The following CEP170B variants were observed in gnomAD, a reference collection of about 807,000 sequenced individuals.
CEP170B encodes centrosomal protein of 170 kDa protein B.
In CEP170B, 55 loss-of-function variants were observed where a neutral mutation model predicts 120.6. The ratio of observed to expected loss-of-function variants is 0.46; its 90% CI spans 0.37 to 0.57. CEP170B has a LOEUF of 0.57. CEP170B is among the 20% of genes least tolerant of loss of function. The pLI, the probability that CEP170B is intolerant of heterozygous loss-of-function variation, is 0.00. For missense variants in CEP170B, 2,212 were observed against 2,253.3 expected, an observed-to-expected ratio of 0.98 and a Z score of 0.37; for synonymous variants, 1,033 against 954.5, an observed-to-expected ratio of 1.08 and a Z score of -1.52.
chr14:104,876,463 T>G (rs1895854273), intron 3 of CEP170B, 118 bp downstream of exon 3: 2 of 863,250 alleles, frequency 2.3e-6, no homozygotes, highest in Non-Finnish European at 3.5e-6. Context: ...CCCTGGCCCC[T>G]CCCTCTCAGT....
At chr14:104,866,336 G>A (rs1895205042) in intron 1 of CEP170B, among the ~76,000 whole-genome samples, 1 of 152,222 alleles carries the variant, frequency 6.6e-6, no homozygotes, top group African/African-American at 2.4e-5. Context: ...CAGAGGGTGA[G>A]GCCTAGGAGG....
chr14:104,886,254 G>A (rs747119061), intron 11 of CEP170B, 21 bp from the exon 12 acceptor site: 21 of 1,497,146 alleles, frequency 1.4e-5, no homozygotes, highest in South Asian at 5.2e-5. Context: ...CCCTCTAACC[G>A]GCTGCCTTTG....
chr14:104,878,556 TC>T, intron 5 of CEP170B, 55 bp downstream of exon 5: 2 of 1,563,304 alleles, frequency 1.3e-6, no homozygotes, highest in Non-Finnish European at 1.7e-6. Flanking sequence ...CCCCCCATCC[TC>T]CCCACCATGC....
rs1396085455 is a variant in CEP170B at position 104,894,753 on chromosome 14, T to C, written c.4460T>C (p.Leu1487Pro). 6.2e-7 allele frequency: 1 copy of C among 1,600,072 alleles called. No individual in the cohort carries two copies. Among genetic ancestry groups the C allele is most frequent in the Admixed American group, 1.7e-5 (1 of 59,404 alleles). The change falls in exon 19 of 19, where the codon CTC becomes CCC. Residue 1487 changes from leucine (L) to proline (P), a missense_variant. This residue lies in a region of CEP170B where 2,166 missense variants were observed against 2,166.7 expected (regional missense o/e 1.00). Coordinates refer to ENST00000414716, the MANE Select transcript of CEP170B (RefSeq NM_001112726.3). ...GACCCCAGTGGGAGCCTGGACCTGCTCACAGGAAACAGGAGCTTGGCCAGC... is the reference window on the plus strand; with the variant it reads ...GACCCCAGTGGGAGCCTGGACCTGCCCACAGGAAACAGGAGCTTGGCCAGC... ...IVDPSGSLDL[L>P]TGNRSLASSA... is the part of the protein sequence containing the mutation.
chr14:104,877,802 TCAGCC>T, intron 3 of CEP170B, 78 bp from the exon 4 acceptor site: 1 of 608,698 alleles, frequency 1.6e-6, no homozygotes, highest in Non-Finnish European at 2.6e-6. Flanking sequence ...ACCCACCTGC[TCAGCC>T]CCACCACCCT....
intron 13 of CEP170B, among the ~76,000 whole-genome samples, chr14:104,890,578 ATGGATGGATGGG>A (rs1896785279): frequency 8.0e-6 from 1 of 125,220 alleles, no homozygotes; most frequent in Admixed American, 7.8e-5. Flanking sequence ...GGATGGATGG[ATGGATGGATGGG>A]TGAGTGAGTG....
rs1344275617 is a variant in CEP170B, at chr14:104,887,968, A to C, written c.3729A>C (p.Arg1243=). The change falls in exon 12 of 19, where the codon CGA becomes CGC. Residue 1243 remains arginine (R), a synonymous_variant. Transcript: ENST00000414716. The part of the protein sequence containing the change: ...PFSRARSGSA[R]YTSTTQTPRA... Reference sequence around the variant, plus strand: ...GCAGGGCCCGCTCAGGCAGTGCCCGATACACCTCCAGTGAGTGCCAGGGCG... The same window carrying C: ...GCAGGGCCCGCTCAGGCAGTGCCCGCTACACCTCCAGTGAGTGCCAGGGCG... 3 of 1,511,108 alleles carry C rather than the reference A, an allele frequency of 2.0e-6. No individual in the cohort carries two copies. The highest frequency in any genetic ancestry group is 2.7e-6 in the Non-Finnish European group (3 of 1,130,852). The allele number at this position is 1,511,108 out of a possible 1,614,324, so 93.6% of individuals were successfully genotyped here.
At chr14:104,872,612 C>T (rs986545379) in intron 2 of CEP170B, among the ~76,000 whole-genome samples, 2 of 152,114 alleles carry the variant, frequency 1.3e-5, no homozygotes, top group Non-Finnish European at 1.5e-5. Flanking sequence ...TCCGTGAGAG[C>T]GTGTGACAGC....
Position 104,886,883 on chromosome 14 carries a change from A to G in CEP170B, c.2644A>G (p.Lys882Glu). The G allele has an allele frequency of 6.2e-7, 1 of 1,610,492 alleles. No individual in the cohort carries two copies. The highest frequency in any genetic ancestry group is 1.3e-5 in the African/African-American group (1 of 75,034). Reference protein sequence around the residue: ...EPASGPPAPGKPPHISSHPLL... With the variant: ...EPASGPPAPGEPPHISSHPLL... ...AGCCAGTGGTCCCCCAGCGCCCGGC[A>G]AGCCCCCCCACATCTCCAGCCACCC... Residue 882 changes from lysine to glutamate, a missense_variant, in exon 12 of 19, where the codon AAG (lysine) becomes GAG (glutamate). Lys to Glu is a moderately conservative substitution (Grantham distance 56, BLOSUM62 1). Around this residue, in one of 2 missense-constraint regions of CEP170B, gnomAD observed 2,166 missense variants for 2,166.7 expected, o/e 1.00. Transcript: ENST00000414716.
chr14:104,890,692 GGGTGGGTGGATGGATGGATGGATGAGT>G (rs1289558103), intron 13 of CEP170B, among the ~76,000 whole-genome samples: 2 of 79,056 alleles, frequency 2.5e-5, no homozygotes, highest in Admixed American at 2.6e-4. Context: ...ATGGGTGAGT[GGGTGGGTGGATGGATGGATGGATGAGT>G]GGTGGGTGGA....
At chr14:104,889,535 G>T in intron 12 of CEP170B, 85 bp from the exon 13 acceptor site, 1 of 1,594,238 alleles carries the variant, frequency 6.3e-7, no homozygotes, top group Non-Finnish European at 8.5e-7. Context: ...CCGGCAGCAG[G>T]GCTCGGATTA....
rs963231203 is a variant in CEP170B, at chr14:104,877,116, G to T, written c.196-769G>T. 3.9e-5 allele frequency among the ~76,000 whole-genome samples: 6 copies of T among 152,088 alleles called. No homozygotes were observed. In the East Asian group the frequency reaches 1.2e-3, roughly 29 times the overall value. On this transcript the variant is annotated intron_variant, in intron 3 of 18. Transcript: ENST00000414716. ...GGGGGGCCCTAGCAGCCCCTCAGCA[G>T]CCCCTCAAGGAGCTCCGGCCAGGGG...
rs746398793 is a variant in CEP170B at position 104,886,337 on chromosome 14, C to T, written c.2098C>T (p.Arg700Trp). 3.8e-6 allele frequency: 6 copies of T among 1,562,878 alleles called. No individual in the cohort carries two copies. Among genetic ancestry groups the T allele is most frequent in the Non-Finnish European group, 4.3e-6 (5 of 1,157,752 alleles). Residue 700 changes from arginine (R) to tryptophan (W), a missense_variant, in exon 12 of 19, where the codon CGG becomes TGG. By Grantham distance (101) the Arg-to-Trp change is moderately radical. This residue lies in a region of CEP170B where 2,166 missense variants were observed against 2,166.7 expected (regional missense o/e 1.00). Coordinates refer to ENST00000414716, the MANE Select transcript of CEP170B (RefSeq NM_001112726.3). ...EGSLPVRMRRRLPQLPSERAD... is the reference protein window; with the variant it reads ...EGSLPVRMRRWLPQLPSERAD... Reference sequence around the variant, plus strand: ...GTCCCTGCCTGTGCGCATGCGGCGACGGCTCCCTCAGCTGCCCAGTGAGAG... The same window carrying T: ...GTCCCTGCCTGTGCGCATGCGGCGATGGCTCCCTCAGCTGCCCAGTGAGAG...
intron 4 of CEP170B, 25 bp downstream of exon 4, chr14:104,877,988 C>T: frequency 1.9e-6 from 3 of 1,577,222 alleles, no homozygotes; most frequent in Non-Finnish European, 1.7e-6. Context: ...AGCGTCCCTC[C>T]TCCTGGGCTT....
At position 104,887,815 on chromosome 14, in the gene CEP170B, C is replaced by T. The variant is rs1375411501; in HGVS notation, c.3576C>T (p.Arg1192=). The T allele has an allele frequency of 1.1e-5, 18 of 1,587,044 alleles. No individual in the cohort carries two copies. Among genetic ancestry groups the T allele is most frequent in the Non-Finnish European group, 1.5e-5 (17 of 1,169,828 alleles). Residue 1192 remains arginine, a synonymous_variant, in exon 12 of 19, where the codon CGC becomes CGT. Transcript: ENST00000414716. ...GTSDPEAAPA[R]TSFSGRSVEL... ...GTGACCCCGAGGCAGCCCCTGCCCG[C>T]ACCAGCTTCTCTGGCCGCAGTGTGG...
rs562992634 is a variant in CEP170B at position 104,886,522 on chromosome 14, A to G, written c.2283A>G (p.Pro761=). 3.3e-6 allele frequency: 5 copies of G among 1,516,646 alleles called. No individual in the cohort carries two copies. The South Asian group carries it at 6.6e-5, about 20-fold the overall frequency. 93.9% of individuals were successfully genotyped at this position (1,516,646 alleles called of 1,614,324 possible). The change falls in exon 12 of 19, where the codon CCA becomes CCG. Residue 761 remains proline (P), a synonymous_variant. Coordinates refer to ENST00000414716, the MANE Select transcript of CEP170B (RefSeq NM_001112726.3). The stretch of plus-strand genomic sequence containing the variant: ...CGGACGGGGGCCGAGGCCCCGAGCC[A>G]GGGGTGGAGCCACAGGACAGCAGAC... ...SGSDGGRGPE[P]GVEPQDSRRR... is the part of the protein sequence containing the mutation.
At chr14:104,890,615 A>AT (rs1896790770) in intron 13 of CEP170B, among the ~76,000 whole-genome samples, 1 of 18,352 alleles carries the variant, frequency 5.4e-5, no homozygotes, top group Non-Finnish European at 1.2e-4. Context: ...GATGGATGGA[A>AT]GGATGGATGA....
In CEP170B at chr14:104,884,180, C is replaced by T. The variant is rs1188881166; in HGVS notation, c.1401C>T (p.Leu467=). Reference sequence around the variant, plus strand: ...CGGGGCCACAGAGGGCCGGCTCGCTCAAGCGGGAGAAGACAGAGGAACGGC... The same window carrying T: ...CGGGGCCACAGAGGGCCGGCTCGCTTAAGCGGGAGAAGACAGAGGAACGGC... ...RSSGPQRAGS[L]KREKTEERLG... The change falls in exon 9 of 19, where the codon CTC becomes CTT. Residue 467 remains leucine (L), a synonymous_variant. Coordinates refer to ENST00000414716, the MANE Select transcript of CEP170B (RefSeq NM_001112726.3). The T allele has an allele frequency of 3.9e-6, 6 of 1,546,896 alleles. No homozygotes were observed. The East Asian group carries it at 7.3e-5, about 19-fold the overall frequency.
chr14:104,884,643 G>A (rs1896361412), intron 9 of CEP170B, 94 bp downstream of exon 9: 1 of 1,166,278 alleles, frequency 8.6e-7, no homozygotes, highest in Non-Finnish European at 1.2e-6. Context: ...GGGGAACGGG[G>A]GGTGGAGGCG....
Sources: gnomAD v4.1 joint callset for allele counts (sites outside exome capture counted in the v4.1 genomes callset) on GRCh38, gnomAD v4.1.1 for gene constraint, gnomAD v4.1.1 regional missense constraint, MANE v1.5 for transcripts, NCBI Gene and HGNC (gene_info 2026-07-23, HGNC 2026-07-21) for gene names.